The following CNTLN variants were observed in gnomAD, a reference collection of about 807,000 sequenced individuals.
The protein encoded by CNTLN is centlein, also known as centlein, centrosomal protein.
CNTLN carries 212 observed loss-of-function variants against 180.0 expected under a neutral mutation model. The ratio of observed to expected loss-of-function variants is 1.18; its 90% CI spans 1.05 to 1.32. The LOEUF (loss-of-function observed/expected upper bound fraction) is 1.32, where lower values mean the gene tolerates loss of function less well. Among genes scored for constraint, CNTLN ranks in the 40% most tolerant of loss-of-function variants. The probability of loss-of-function intolerance (pLI) is 0.00; values close to 1 mark genes in which losing one functional copy is unlikely to be tolerated. For synonymous variants in CNTLN, 722 were observed against 563.1 expected, an observed-to-expected ratio of 1.28 and a Z score of -3.99; for missense variants, 2,095 against 1,610.9, an observed-to-expected ratio of 1.30 and a Z score of -5.14.
intron 8 of CNTLN, among the ~76,000 whole-genome samples, chr9:17,310,117 A>T (rs981967534): frequency 2.6e-5 from 4 of 152,146 alleles, no homozygotes. Flanking sequence ...GGCTTTGTTT[A>T]GTTCTTTATT....
At chr9:17,244,144 A>G (rs935147396) in intron 5 of CNTLN, among the ~76,000 whole-genome samples, 3 of 147,690 alleles carry the variant, frequency 2.0e-5, no homozygotes, top group Non-Finnish European at 4.5e-5. Context: ...TTTGGTTTTC[A>G]TTTGCATGGA....
intron 5 of CNTLN, among the ~76,000 whole-genome samples, chr9:17,262,660 G>C (rs1001988830): frequency 3.3e-5 from 5 of 151,270 alleles, no homozygotes; most frequent in African/African-American, 7.4e-5. Flanking sequence ...GGGTTGATGA[G>C]TGCAGCAAAC....
intron 25 of CNTLN, among the ~76,000 whole-genome samples, chr9:17,487,763 C>G (rs775442661): frequency 6.6e-6 from 1 of 152,050 alleles, no homozygotes; most frequent in Admixed American, 6.6e-5. Flanking sequence ...GATACTTTTT[C>G]TTCCCTTTCA....
chr9:17,368,461 A>G (rs1344345933), intron 13 of CNTLN, among the ~76,000 whole-genome samples: 2 of 152,176 alleles, frequency 1.3e-5, no homozygotes, highest in African/African-American at 4.8e-5. Flanking sequence ...GACTGGCTTC[A>G]CAGTCTGCTC....
rs1238651586 is a variant in CNTLN at position 17,246,024 on chromosome 9, C to T, written c.849+9436C>T. 6.6e-5 allele frequency among the ~76,000 whole-genome samples: 10 copies of T among 152,042 alleles called. No individual in the cohort carries two copies. In the South Asian group the frequency reaches 8.3e-4, roughly 13 times the overall value. On this transcript the variant is annotated intron_variant, in intron 5 of 25. Transcript: ENST00000380647. ...AAGATCACATATCTGTGTCTCTCCA[C>T]GATTTGCCCTTGGTTATTCATTTAA...
At chr9:17,440,930 C>G (rs763124734) in intron 18 of CNTLN, among the ~76,000 whole-genome samples, 1 of 152,040 alleles carries the variant, frequency 6.6e-6, no homozygotes, top group Non-Finnish European at 1.5e-5. Context: ...TTGACTAGAG[C>G]CAGGGATGGG....
At chr9:17,476,296 C>T (rs1832340961) in intron 23 of CNTLN, among the ~76,000 whole-genome samples, 1 of 152,166 alleles carries the variant, frequency 6.6e-6, no homozygotes, top group Non-Finnish European at 1.5e-5. Context: ...CTCCCTGAGC[C>T]TCCTACTTCC....
downstream of CNTLN, among the ~76,000 whole-genome samples, chr9:17,507,090 A>T (rs1176562859): frequency 2.6e-5 from 4 of 152,088 alleles, no homozygotes; most frequent in Non-Finnish European, 5.9e-5. Context: ...TAATCTCATC[A>T]CCCAAGTAGC....
Position 17,236,471 on chromosome 9 carries a change from G to T in CNTLN, c.732G>T (p.Glu244Asp). The T allele has an allele frequency of 6.2e-7, 1 of 1,613,628 alleles. No individual in the cohort carries two copies. Among genetic ancestry groups the T allele is most frequent in the Non-Finnish European group, 8.5e-7 (1 of 1,179,716 alleles). ...EQNRLVIKNLEEENKKLSTRC... is the reference protein window; with the variant it reads ...EQNRLVIKNLDEENKKLSTRC... ...ACAGACTAGTTATAAAAAATCTGGA[G>T]GAGGAAAACAAGAAATTAAGTACCC... Residue 244 changes from glutamate (E) to aspartate (D), a missense_variant, in exon 5 of 26, where the codon GAG becomes GAT. Coordinates refer to ENST00000380647, the MANE Select transcript of CNTLN (RefSeq NM_017738.4).
chr9:17,438,212 A>C (rs1241039519), intron 18 of CNTLN, among the ~76,000 whole-genome samples: 2 of 152,112 alleles, frequency 1.3e-5, no homozygotes, highest in Non-Finnish European at 2.9e-5. Context: ...TCTGATGTAG[A>C]ATAAGGACTG....
intron 18 of CNTLN, among the ~76,000 whole-genome samples, chr9:17,442,150 C>G (rs1247396609): frequency 1.3e-5 from 2 of 152,164 alleles, no homozygotes; most frequent in Admixed American, 1.3e-4. Flanking sequence ...AGGACTTGAA[C>G]AAGACTGTGG....
At chr9:17,387,046 C>A (rs1825735438) in intron 13 of CNTLN, among the ~76,000 whole-genome samples, 1 of 152,140 alleles carries the variant, frequency 6.6e-6, no homozygotes, top group South Asian at 2.1e-4. Context: ...CTTTTATTAT[C>A]CTTCGGATAC....
chr9:17,444,743 G>A (rs1472050188), intron 18 of CNTLN, among the ~76,000 whole-genome samples: 1 of 152,142 alleles, frequency 6.6e-6, no homozygotes, highest in Non-Finnish European at 1.5e-5. Flanking sequence ...TTTATTTATT[G>A]AGTGACCTAC....
intron 2 of CNTLN, among the ~76,000 whole-genome samples, chr9:17,207,532 A>G (rs546274351): frequency 6.6e-6 from 1 of 152,214 alleles, no homozygotes; most frequent in Non-Finnish European, 1.5e-5. Flanking sequence ...AAACCGTGGG[A>G]AAATTGTAGT....
chr9:17,397,868 G>A (rs185127875), intron 15 of CNTLN, among the ~76,000 whole-genome samples: 2 of 152,184 alleles, frequency 1.3e-5, no homozygotes, highest in African/African-American at 4.8e-5. Flanking sequence ...TACATTTCCT[G>A]CCTGACAGAA....
chr9:17,278,454 T>C (rs1033323875), intron 6 of CNTLN, among the ~76,000 whole-genome samples: 8 of 152,190 alleles, frequency 5.3e-5, no homozygotes, highest in African/African-American at 1.9e-4. Context: ...GAGTGTGGTG[T>C]GTCATTCCAT....
intron 5 of CNTLN, among the ~76,000 whole-genome samples, chr9:17,262,561 C>T (rs1415947595): frequency 6.6e-6 from 1 of 151,340 alleles, no homozygotes; most frequent in African/African-American, 2.5e-5. Context: ...GCATCATACA[C>T]TGATGCCTGT....
intron 6 of CNTLN, among the ~76,000 whole-genome samples, chr9:17,294,299 C>G (rs532995487): frequency 6.6e-6 from 1 of 152,038 alleles, no homozygotes; most frequent in African/African-American, 2.4e-5. Context: ...CTGGCCCCAC[C>G]CACATCCTGC....
intron 8 of CNTLN, among the ~76,000 whole-genome samples, chr9:17,326,828 G>C (rs1820325935): frequency 6.6e-6 from 1 of 152,050 alleles, no homozygotes; most frequent in South Asian, 2.1e-4. Flanking sequence ...GCATCCTACA[G>C]AAAACTGTCA....
Sources: gnomAD v4.1 joint callset for allele counts (sites outside exome capture counted in the v4.1 genomes callset) on GRCh38, gnomAD v4.1.1 for gene constraint, MANE v1.5 for transcripts, NCBI Gene and HGNC (gene_info 2026-07-23, HGNC 2026-07-21) for gene names.